RBL2: variants seen among roughly 807,000 people sequenced by gnomAD.
RBL2 encodes retinoblastoma-like protein 2.
A neutral mutation model predicts 126.0 loss-of-function variants in RBL2; 56 were observed. That is an observed-to-expected ratio of 0.44 (90% CI 0.36 to 0.56). The LOEUF (loss-of-function observed/expected upper bound fraction) is 0.56, where lower values mean the gene tolerates loss of function less well. Ranked by LOEUF, RBL2 falls within the 20% of genes least tolerant of loss-of-function variation. The pLI is 0.00. For synonymous variants in RBL2, 454 were observed against 478.5 expected, an observed-to-expected ratio of 0.95 and a Z score of 0.67; for missense variants, 1,229 against 1,398.2, an observed-to-expected ratio of 0.88 and a Z score of 1.93.
intron 2 of RBL2, among the ~76,000 whole-genome samples, chr16:53,441,190 C>T (rs1293401539): frequency 6.6e-6 from 1 of 152,012 alleles, no homozygotes; most frequent in African/African-American, 2.4e-5. Flanking sequence ...GAACTCCTGA[C>T]CTCAAGTGAT....
intron 12 of RBL2, 63 bp from the exon 13 acceptor site, chr16:53,465,372 TTTC>T: frequency 1.8e-6 from 2 of 1,110,020 alleles, no homozygotes; most frequent in South Asian, 3.5e-5. Context: ...TTTTGACTAA[TTTC>T]TTGTCTAAAT....
rs1274373013 is a variant in RBL2 at position 53,479,174 on chromosome 16, C to T, written c.2724C>T (p.Ser908=). 3 of 1,613,866 alleles carry T rather than the reference C, an allele frequency of 1.9e-6. No individual in the cohort carries two copies. Among genetic ancestry groups the T allele is most frequent in the Admixed American group, 1.7e-5 (1 of 60,000 alleles). The change falls in exon 18 of 22, where the codon TCC becomes TCT. Residue 908 remains serine, a synonymous_variant. Coordinates refer to ENST00000262133, the MANE Select transcript of RBL2 (RefSeq NM_005611.4). ...VMAKVTKEDK[S]FQNIMRCYRT... is the part of the protein sequence containing the mutation. ...GCCAGGTCACAAAAGAAGATAAGTC[C>T]TTCCAGAACATTATGCGTTGTTATA...
intron 10 of RBL2, among the ~76,000 whole-genome samples, chr16:53,462,103 A>T (rs912249164): frequency 2.0e-5 from 3 of 152,056 alleles, no homozygotes; most frequent in African/African-American, 7.2e-5. Flanking sequence ...TTTTTTTGTA[A>T]ACTGGAAATT....
chr16:53,485,004 T>TAA (rs11295682), intron 21 of RBL2, among the ~76,000 whole-genome samples: 116 of 145,480 alleles, frequency 8.0e-4, no homozygotes, highest in East Asian at 8.2e-4. Context: ...TAACCCTAAA[T>TAA]AAAAAAAAAA....
At chr16:53,448,525 C>T (rs2058085291) in intron 4 of RBL2, among the ~76,000 whole-genome samples, 1 of 151,882 alleles carries the variant, frequency 6.6e-6, no homozygotes, top group African/African-American at 2.4e-5. Context: ...GCTCTGTTGC[C>T]CAGGCTGGAG....
intron 17 of RBL2, among the ~76,000 whole-genome samples, chr16:53,477,253 C>T (rs553763337): frequency 6.6e-6 from 1 of 152,308 alleles, no homozygotes; most frequent in Admixed American, 6.5e-5. Flanking sequence ...AATTTTATGA[C>T]TTCTAAAGTA....
In RBL2 at chr16:53,470,013, T is replaced by C. The variant is rs866281051; in HGVS notation, c.2073T>C (p.Asp691=). 1 of 1,614,168 alleles carries C rather than the reference T, an allele frequency of 6.2e-7. No individual in the cohort carries two copies. The highest frequency in any genetic ancestry group is 1.3e-5 in the African/African-American group (1 of 75,068). The part of the protein sequence containing the change: ...RLFVENDSPS[D]GGTPGRMPPQ... ...TTGTTGAGAATGATAGCCCCTCTGA[T>C]GGAGGGACGCCTGGGCGCATGCCCC... Residue 691 remains aspartate (D), a synonymous_variant, in exon 15 of 22, where the codon GAT becomes GAC. Coordinates refer to ENST00000262133, the MANE Select transcript of RBL2 (RefSeq NM_005611.4).
chr16:53,463,391 A>G (rs999212002), intron 11 of RBL2, among the ~76,000 whole-genome samples: 5 of 151,700 alleles, frequency 3.3e-5, no homozygotes, highest in Non-Finnish European at 7.4e-5. Flanking sequence ...CAGTGGTGCA[A>G]TCTCGGCTCA....
intron 2 of RBL2, among the ~76,000 whole-genome samples, chr16:53,440,044 C>T (rs2058000046): frequency 6.6e-6 from 1 of 151,554 alleles, no homozygotes; most frequent in Admixed American, 6.6e-5. Flanking sequence ...CCCAGTAATC[C>T]CAGCACTTTT....
At chr16:53,450,898 G>A (rs1042273897) in intron 4 of RBL2, among the ~76,000 whole-genome samples, 3 of 151,802 alleles carry the variant, frequency 2.0e-5, no homozygotes, top group African/African-American at 4.8e-5. Context: ...AGCTGAGATC[G>A]TGCCACTGCA....
intron 21 of RBL2, among the ~76,000 whole-genome samples, chr16:53,487,329 TTGG>T (rs1335098879): frequency 6.6e-6 from 1 of 152,162 alleles, no homozygotes; most frequent in Admixed American, 6.5e-5. Context: ...GACAGTAGTG[TTGG>T]TGGAAGTATA....
At position 53,479,324 on chromosome 16, in the gene RBL2, T is replaced by C. The variant is rs1051018264; in HGVS notation, c.2775+99T>C. ...TGACTCTGTGGCCTTTTTTCCAAGA[T>C]AAACACCTGGGACTCTACTTAAGGG... On this transcript the variant is annotated intron_variant, in intron 18 of 21. Coordinates refer to ENST00000262133, the MANE Select transcript of RBL2 (RefSeq NM_005611.4). 5.8e-6 allele frequency: 6 copies of C among 1,035,500 alleles called. No homozygotes were observed. In the African/African-American group the frequency reaches 8.0e-5, roughly 14 times the overall value. 64.1% of individuals were successfully genotyped at this position (1,035,500 alleles called of 1,614,324 possible).
Position 53,462,479 on chromosome 16 carries a change from A to G in RBL2, c.1457-73A>G, listed in dbSNP as rs1474789654. On this transcript the variant is annotated intron_variant, in intron 10 of 21. Coordinates refer to ENST00000262133, the MANE Select transcript of RBL2 (RefSeq NM_005611.4). ...GGTTTTGAATTTTATTTTGTGAGTA[A>G]AGGAGGAGGAATGGGCCTTTATTTT... 14 of 857,906 alleles carry G rather than the reference A, an allele frequency of 1.6e-5. No homozygotes were observed. The East Asian group carries it at 2.8e-4, about 17-fold the overall frequency. 53.1% of individuals were successfully genotyped at this position (857,906 alleles called of 1,614,324 possible).
intron 4 of RBL2, 36 bp downstream of exon 4, chr16:53,447,142 G>A: frequency 1.8e-6 from 2 of 1,119,698 alleles, no homozygotes; most frequent in Admixed American, 2.3e-5. Context: ...GATTTAATAT[G>A]TCTATTTACA....
intron 8 of RBL2, among the ~76,000 whole-genome samples, chr16:53,458,938 A>T (rs927841833): frequency 2.0e-5 from 3 of 152,232 alleles, no homozygotes; most frequent in Admixed American, 6.5e-5. Flanking sequence ...TTCGATGCAG[A>T]CATAGCCAAA....
chr16:53,488,635 C>A (rs573310487), intron 21 of RBL2: 1 of 152,144 alleles, frequency 6.6e-6, no homozygotes, highest in Non-Finnish European at 1.5e-5. Context: ...AACGTACTAA[C>A]ATTTAGACTA....
At chr16:53,472,344 T>C (rs549069312) in intron 17 of RBL2, among the ~76,000 whole-genome samples, 1 of 152,300 alleles carries the variant, frequency 6.6e-6, no homozygotes, top group South Asian at 2.1e-4. Context: ...CACCGTACCA[T>C]TTTCCACAGA....
At chr16:53,485,851 C>CT in intron 21 of RBL2, among the ~76,000 whole-genome samples, 2 of 142,816 alleles carry the variant, frequency 1.4e-5, no homozygotes, top group South Asian at 4.3e-4. Context: ...ATGAGACCAT[C>CT]TAAAAAAAAA....
rs191551112 is a variant in RBL2 at position 53,462,713 on chromosome 16, C to T, written c.1560+58C>T. ...AATGAAACATAATTTCCTTCCTGCC[C>T]TATTCTGTGGGTTGTTTTTTTTACT... On this transcript the variant is annotated intron_variant, in intron 11 of 21. Coordinates refer to ENST00000262133, the MANE Select transcript of RBL2 (RefSeq NM_005611.4). The T allele has an allele frequency of 2.8e-3, 3,277 of 1,166,634 alleles. 6 individuals are homozygous for T. Among genetic ancestry groups the T allele is most frequent in the Admixed American group, 3.5e-3 (129 of 36,616 alleles). The allele number at this position is 1,166,634 out of a possible 1,614,324, so 72.3% of individuals were successfully genotyped here.
Sources: gnomAD v4.1 joint callset for allele counts (sites outside exome capture counted in the v4.1 genomes callset) on GRCh38, gnomAD v4.1.1 for gene constraint, MANE v1.5 for transcripts, NCBI Gene and HGNC (gene_info 2026-07-23, HGNC 2026-07-21) for gene names.